NAALADL2: variants seen among roughly 807,000 people sequenced by gnomAD.
The protein encoded by NAALADL2 is inactive N-acetylated-alpha-linked acidic dipeptidase-like protein 2.
In NAALADL2, 76 loss-of-function variants were observed where a neutral mutation model predicts 87.2. That is an observed-to-expected ratio of 0.87 (90% CI 0.72 to 1.05). The LOEUF (loss-of-function observed/expected upper bound fraction) is 1.05, where lower values mean the gene tolerates loss of function less well. NAALADL2 is among the 50% of genes least tolerant of loss of function. NAALADL2 has a pLI of 0.00. For missense variants in NAALADL2, 1,089 were observed against 945.8 expected (o/e 1.15, Z -1.99); for synonymous variants, 354 against 331.0 (o/e 1.07, Z -0.75).
chr3:175,214,593 T>A (rs1256087988), intron 2 of NAALADL2, among the ~76,000 whole-genome samples: 1 of 139,828 alleles, frequency 7.2e-6, no homozygotes, highest in East Asian at 2.2e-4. Flanking sequence ...AAAAATCAGA[T>A]GTCATCAGAA....
intron 12 of NAALADL2, among the ~76,000 whole-genome samples, chr3:175,745,406 G>A (rs1745787756): frequency 6.6e-6 from 1 of 152,100 alleles, no homozygotes; most frequent in Admixed American, 6.5e-5. Flanking sequence ...CAGTATCCAT[G>A]GAGAATTGGT....
chr3:175,680,692 G>A (rs1735466944), intron 11 of NAALADL2, among the ~76,000 whole-genome samples: 1 of 152,148 alleles, frequency 6.6e-6, no homozygotes, highest in Non-Finnish European at 1.5e-5. Context: ...GGCCAAGCAT[G>A]CATCCAGTGA....
chr3:175,255,764 T>C lies in NAALADL2; in HGVS notation c.820-647T>C, dbSNP rs117707883. Among the ~76,000 whole-genome samples the C allele has an allele frequency of 3.4e-4, 52 of 152,268 alleles. No homozygotes were observed. The East Asian group carries it at 9.7e-3, about 28-fold the overall frequency. ...AGAGGACTTATAAAAATGGGTAACA[T>C]TGAGGTCAAATGTAACTCTAGGTGA... On this transcript the variant is annotated intron_variant, in intron 3 of 13. Coordinates refer to ENST00000454872, the MANE Select transcript of NAALADL2 (RefSeq NM_207015.3).
intron 3 of NAALADL2, among the ~76,000 whole-genome samples, chr3:174,756,943 T>TA (rs1231593063): frequency 3.6e-5 from 5 of 137,796 alleles, no homozygotes; most frequent in Admixed American, 3.6e-4. Flanking sequence ...TCTTGACACC[T>TA]ATAGACAAAA....
In NAALADL2 at chr3:174,784,670, G is replaced by T. The variant is rs77732521; in HGVS notation, c.-9+46924G>T. 9.6e-3 allele frequency among the ~76,000 whole-genome samples: 1,459 copies of T among 152,280 alleles called. 6 individuals are homozygous for T. The highest frequency in any genetic ancestry group is 0.022 in the African/African-American group (925 of 41,558). ...GGTTCAATGTATTGAAGGTCTAATAGTAGAGAATCACAGATGTGAATGAAT... is the reference window on the plus strand; with the variant it reads ...GGTTCAATGTATTGAAGGTCTAATATTAGAGAATCACAGATGTGAATGAAT... On this transcript the variant is annotated intron_variant, in intron 3 of 3. Coordinates refer to the NAALADL2 transcript ENST00000434257.
At chr3:175,579,228 A>G (rs1719379579) in intron 10 of NAALADL2, among the ~76,000 whole-genome samples, 1 of 151,884 alleles carries the variant, frequency 6.6e-6, no homozygotes, top group African/African-American at 2.4e-5. Flanking sequence ...TCTATCATCT[A>G]TCATCCAGTG....
At chr3:175,039,323 C>T (rs943594726) in intron 1 of NAALADL2, among the ~76,000 whole-genome samples, 19 of 152,090 alleles carry the variant, frequency 1.2e-4, no homozygotes, top group East Asian at 7.7e-4. Context: ...TGTGCCACGA[C>T]GCCTGGCTAA....
At chr3:175,287,557 A>T (rs966072037) in intron 4 of NAALADL2, among the ~76,000 whole-genome samples, 4 of 152,208 alleles carry the variant, frequency 2.6e-5, no homozygotes, top group Non-Finnish European at 5.9e-5. Flanking sequence ...TACACAGATG[A>T]TGACTGTGGG....
Position 175,767,172 on chromosome 3 carries a change from T to A in NAALADL2, c.2189+11754T>A, listed in dbSNP as rs142601585. Among the ~76,000 whole-genome samples the A allele has an allele frequency of 1.7e-4, 26 of 152,170 alleles. No individual in the cohort carries two copies. The East Asian group carries it at 4.8e-3, about 28-fold the overall frequency. On this transcript the variant is annotated intron_variant, in intron 13 of 13. Transcript: ENST00000454872. ...ACTTGAGTGTGCTGCTTAACCAGTC[T>A]GCTTGCTAAAAACACAAGACTACAG...
intron 5 of NAALADL2, among the ~76,000 whole-genome samples, chr3:175,392,179 G>A (rs939013735): frequency 6.6e-6 from 1 of 152,178 alleles, no homozygotes; most frequent in South Asian, 2.1e-4. Context: ...CTTGCTCAAT[G>A]AAAGAATGAA....
chr3:174,735,851 G>A lies in NAALADL2; in HGVS notation c.-114-1790G>A, dbSNP rs565565505. On this transcript the variant is annotated intron_variant, in intron 2 of 3. Coordinates refer to the NAALADL2 transcript ENST00000434257. ...CCAGAGTTTTGCTCAGGTCCACTGG[G>A]CTCGTTCTGCCCACTTGACCTGGCA... Among the ~76,000 whole-genome samples, 4 of 152,298 alleles carry A rather than the reference G, an allele frequency of 2.6e-5. No individual in the cohort carries two copies. In the East Asian group the frequency reaches 7.7e-4, roughly 29 times the overall value.
At chr3:175,405,934 A>G (rs1712270028) in intron 5 of NAALADL2, among the ~76,000 whole-genome samples, 1 of 152,102 alleles carries the variant, frequency 6.6e-6, no homozygotes, top group African/African-American at 2.4e-5. Flanking sequence ...TTTTATTCAC[A>G]TTTATTTATG....
At chr3:175,671,102 T>C (rs192841524) in intron 11 of NAALADL2, among the ~76,000 whole-genome samples, 6 of 151,886 alleles carry the variant, frequency 4.0e-5, no homozygotes, top group Admixed American at 3.9e-4. Context: ...ATTTTACTTT[T>C]GCTTTAAATA....
At chr3:174,996,317 G>GA (rs1465184766) in intron 1 of NAALADL2, among the ~76,000 whole-genome samples, 3 of 150,508 alleles carry the variant, frequency 2.0e-5, no homozygotes, top group Non-Finnish European at 4.4e-5. Context: ...CTAACACGGT[G>GA]AAACCCCGTC....
At position 175,281,218 on chromosome 3, in the gene NAALADL2, G is replaced by A. The variant is rs145397990; in HGVS notation, c.939+24688G>A. Among the ~76,000 whole-genome samples the A allele has an allele frequency of 5.5e-3, 835 of 151,208 alleles. 9 individuals carry two copies. The highest frequency in any genetic ancestry group is 0.019 in the African/African-American group (775 of 41,334). On this transcript the variant is annotated intron_variant, in intron 4 of 13. Transcript: ENST00000454872. ...AACTTCTTTTCTAAGACTATCTTCCGTCCATAATCCTGGCTTTATAAACCA... is the reference window on the plus strand; with the variant it reads ...AACTTCTTTTCTAAGACTATCTTCCATCCATAATCCTGGCTTTATAAACCA...
chr3:174,759,982 A>T (rs1466759510), intron 3 of NAALADL2, among the ~76,000 whole-genome samples: 1 of 152,218 alleles, frequency 6.6e-6, no homozygotes, highest in Non-Finnish European at 1.5e-5. Context: ...TACAGGCATG[A>T]GCCACTGTGC....
intron 11 of NAALADL2, among the ~76,000 whole-genome samples, chr3:175,631,559 G>T (rs1030448252): frequency 6.6e-6 from 1 of 151,604 alleles, no homozygotes; most frequent in Non-Finnish European, 1.5e-5. Context: ...ATGCCAATAG[G>T]TGTAATTCAT....
intron 5 of NAALADL2, among the ~76,000 whole-genome samples, chr3:175,423,053 T>TATATATATA (rs1366026397): frequency 5.2e-5 from 5 of 95,588 alleles, no homozygotes; most frequent in South Asian, 3.6e-4. Context: ...ATATATATAT[T>TATATATATA]TTTTTTTTTT....
intron 1 of NAALADL2, among the ~76,000 whole-genome samples, chr3:174,537,555 A>G (rs1034346420): frequency 6.6e-6 from 1 of 152,188 alleles, no homozygotes; most frequent in Non-Finnish European, 1.5e-5. Flanking sequence ...AGGAGTTTAA[A>G]GTCTAGTGAG....
Sources: gnomAD v4.1 joint callset for allele counts (sites outside exome capture counted in the v4.1 genomes callset) on GRCh38, gnomAD v4.1.1 for gene constraint, MANE v1.5 for transcripts, NCBI Gene and HGNC (gene_info 2026-07-23, HGNC 2026-07-21) for gene names.